Variants in SLAMF7 observed in about 807,000 individuals in gnomAD.
The protein encoded by SLAMF7 is 19A24 protein.
SLAMF7 carries 26 observed loss-of-function variants against 34.1 expected under a neutral mutation model. The ratio of observed to expected loss-of-function variants is 0.76; its 90% CI spans 0.56 to 1.06. The LOEUF is 1.06. SLAMF7 is among the 50% of genes least tolerant of loss of function. The pLI, the probability that SLAMF7 is intolerant of heterozygous loss-of-function variation, is 0.00. For missense variants in SLAMF7, 399 were observed against 402.5 expected (o/e 0.99, Z 0.07); for synonymous variants, 171 against 156.4 (o/e 1.09, Z -0.70).
intron 1 of SLAMF7, among the ~76,000 whole-genome samples, chr1:160,744,074 C>G (rs965362451): frequency 6.6e-6 from 1 of 152,118 alleles, no homozygotes; most frequent in Non-Finnish European, 1.5e-5. Context: ...TGTCTTGCTC[C>G]CCAGTTATAC....
At chr1:160,751,316 G>T in intron 4 of SLAMF7, 29 bp from the exon 5 acceptor site, 3 of 1,515,822 alleles carry the variant, frequency 2.0e-6, no homozygotes, top group Non-Finnish European at 2.8e-6. Context: ...TGGAGAGGTG[G>T]CTTTGATTCT....
At chr1:160,749,489 C>A (rs970393118) in intron 2 of SLAMF7, among the ~76,000 whole-genome samples, 4 of 152,188 alleles carry the variant, frequency 2.6e-5, no homozygotes, top group African/African-American at 9.7e-5. Context: ...GACTAGGGAA[C>A]CTCTAGAACA....
chr1:160,751,036 G>T, intron 4 of SLAMF7: 1 of 350,790 alleles, frequency 2.9e-6, no homozygotes, highest in Non-Finnish European at 5.4e-6. Flanking sequence ...GGTATGACTT[G>T]CAGACTTTGA....
At chr1:160,743,046 T>TC (rs1415631152) in intron 1 of SLAMF7, among the ~76,000 whole-genome samples, 1 of 152,154 alleles carries the variant, frequency 6.6e-6, no homozygotes, top group African/African-American at 2.4e-5. Context: ...CCTCTACCCC[T>TC]CTCTGGGCAG....
intron 1 of SLAMF7, among the ~76,000 whole-genome samples, chr1:160,740,202 C>T (rs1663620513): frequency 6.6e-6 from 1 of 151,808 alleles, no homozygotes; most frequent in South Asian, 2.1e-4. Flanking sequence ...CAGACTCTTA[C>T]CCACTTTGAA....
chr1:160,739,136 A>C, upstream of SLAMF7: 1 of 678,194 alleles, frequency 1.5e-6, no homozygotes, highest in Non-Finnish European at 2.7e-6. Context: ...TGCTGGTGGC[A>C]AGGTAAAATG....
chr1:160,752,131 A>G, intron 5 of SLAMF7, 55 bp from the exon 6 acceptor site: 3 of 1,403,172 alleles, frequency 2.1e-6, no homozygotes, highest in Admixed American at 1.7e-5. Flanking sequence ...GGCCTTGTCT[A>G]TGTGATTCAG....
At chr1:160,746,356 T>G (rs1259282757) in intron 1 of SLAMF7, among the ~76,000 whole-genome samples, 1 of 152,240 alleles carries the variant, frequency 6.6e-6, no homozygotes, top group Non-Finnish European at 1.5e-5. Flanking sequence ...CCATGTAGCC[T>G]TGCAGTAGCA....
rs1452714023 is a variant in SLAMF7 at position 160,754,572 on chromosome 1, A to G, written c.*1395A>G. The G allele has an allele frequency of 6.6e-6, 1 of 152,364 alleles. No homozygotes were observed. Among genetic ancestry groups the G allele is most frequent in the Non-Finnish European group, 1.5e-5 (1 of 68,048 alleles). The allele number at this position is 152,364 out of a possible 1,614,324, so 9.4% of individuals were successfully genotyped here. ...AAAACATGGGGAAGGGGAAAGGGGA[A>G]TGGCTGCTTTTGATATGTTCCCTGA... On this transcript the variant is annotated 3_prime_UTR_variant, in exon 7 of 7. Coordinates refer to ENST00000368043, the MANE Select transcript of SLAMF7 (RefSeq NM_021181.5).
At chr1:160,740,771 G>T (rs987254638) in intron 1 of SLAMF7, among the ~76,000 whole-genome samples, 14 of 152,320 alleles carry the variant, frequency 9.2e-5, no homozygotes, top group Admixed American at 7.8e-4. Context: ...CATCGCAGGT[G>T]TTTTTCATAC....
intron 1 of SLAMF7, among the ~76,000 whole-genome samples, chr1:160,747,598 C>T (rs1664234205): frequency 6.6e-6 from 1 of 152,180 alleles, no homozygotes; most frequent in Non-Finnish European, 1.5e-5. Flanking sequence ...GACAATCACT[C>T]TGAGGCAAGA....
At chr1:160,749,783 G>A (rs1201821418) in intron 2 of SLAMF7, 38 bp from the exon 3 acceptor site, 1 of 1,515,530 alleles carries the variant, frequency 6.6e-7, no homozygotes, top group African/African-American at 1.4e-5. Flanking sequence ...GAGAGCTATA[G>A]GCAGAGTTTC....
Position 160,753,423 on chromosome 1 carries a change from A to T in SLAMF7, c.*246A>T. ...CTTCATCCCAAAAATGGGATTGTGA[A>T]TGTCAGCAAACCATAAAAAAAGTGC... On this transcript the variant is annotated 3_prime_UTR_variant, in exon 7 of 7. Coordinates refer to ENST00000368043, the MANE Select transcript of SLAMF7 (RefSeq NM_021181.5). The T allele has an allele frequency of 1.9e-6, 1 of 517,396 alleles. No individual in the cohort carries two copies. Among genetic ancestry groups the T allele is most frequent in the Non-Finnish European group, 3.4e-6 (1 of 290,968 alleles). 32.1% of individuals were successfully genotyped at this position (517,396 alleles called of 1,614,324 possible).
In SLAMF7 at chr1:160,748,180, C is replaced by T. The variant is rs1215147418; in HGVS notation, c.56-14C>T. 3.1e-6 allele frequency: 5 copies of T among 1,610,742 alleles called. No individual in the cohort carries two copies. Among genetic ancestry groups the T allele is most frequent in the Non-Finnish European group, 3.4e-6 (4 of 1,178,072 alleles). The stretch of plus-strand genomic sequence containing the variant: ...AGGGAATCAGGCTTATTTTATGGTT[C>T]TCTGTGTTTATAGGGTCAGCAGCCT... On this transcript the variant is annotated splice_polypyrimidine_tract_variant and intron_variant, in intron 1 of 6. Transcript: ENST00000368043.
In SLAMF7 at chr1:160,751,969, T is replaced by C. The variant is rs1664669180; in HGVS notation, c.874-217T>C. ...ACAGTACAGTTTAAAAATAATGTAA[T>C]GGCTTCCTGAAAAAAGTTATCAAAA... On this transcript the variant is annotated intron_variant, in intron 5 of 6. Transcript: ENST00000368043. The C allele has an allele frequency of 7.7e-6, 3 of 388,246 alleles. No homozygotes were observed. The South Asian group carries it at 1.2e-4, about 16-fold the overall frequency. 24.1% of individuals were successfully genotyped at this position (388,246 alleles called of 1,614,324 possible).
chr1:160,754,706 A>G lies in SLAMF7; in HGVS notation c.*1529A>G, dbSNP rs1461407597. 1 of 152,388 alleles carries G rather than the reference A, an allele frequency of 6.6e-6. No individual in the cohort carries two copies. Among genetic ancestry groups the G allele is most frequent in the Non-Finnish European group, 1.5e-5 (1 of 68,042 alleles). 9.4% of individuals were successfully genotyped at this position (152,388 alleles called of 1,614,324 possible). On this transcript the variant is annotated 3_prime_UTR_variant, in exon 7 of 7. Coordinates refer to ENST00000368043, the MANE Select transcript of SLAMF7 (RefSeq NM_021181.5). ...GATTGAGGATTATCTTCTCTCAGAA[A>G]GGCATTGTGAAGGAATTGAGCCAGA...
intron 1 of SLAMF7, among the ~76,000 whole-genome samples, chr1:160,742,849 G>T (rs112356727): frequency 6.6e-6 from 1 of 152,122 alleles, no homozygotes; most frequent in African/African-American, 2.4e-5. Flanking sequence ...TGTATCTCAC[G>T]GGGCTGTTCT....
Position 160,751,345 on chromosome 1 carries a change from A to T in SLAMF7, c.770A>T (p.Glu257Val). The change falls in exon 5 of 7, where the codon GAG (glutamate) becomes GTG (valine). Residue 257 changes from glutamate to valine, a missense_variant and splice_region_variant. Transcript: ENST00000368043. The part of the protein sequence containing the change: ...LWFLKRERQE[E>V]YIEEKKRVDI... ...TGATTCTCTCCCAACTTGCTTTTAG[A>T]GTACATTGAAGAGAAGAAGAGAGTG... The T allele has an allele frequency of 6.2e-7, 1 of 1,611,494 alleles. No homozygotes were observed. Among genetic ancestry groups the T allele is most frequent in the African/African-American group, 1.3e-5 (1 of 74,956 alleles).
chr1:160,748,451 G>T lies in SLAMF7; in HGVS notation c.313G>T (p.Val105Leu). The T allele has an allele frequency of 6.2e-7, 1 of 1,614,110 alleles. No individual in the cohort carries two copies. Among genetic ancestry groups the T allele is most frequent in the Non-Finnish European group, 8.5e-7 (1 of 1,179,966 alleles). ...LKKNDSGIYY[V>L]GIYSSSLQQP... ...GAAGAATGACTCAGGGATCTACTAT[G>T]TGGGGATATACAGCTCATCACTCCA... is the stretch of plus-strand genomic sequence containing the variant. The change falls in exon 2 of 7, where the codon GTG (valine) becomes TTG (leucine). Residue 105 changes from valine (V) to leucine (L), a missense_variant. Transcript: ENST00000368043.
Sources: allele counts gnomAD v4.1 joint callset (sites outside exome capture counted in the v4.1 genomes callset), GRCh38; gene constraint gnomAD v4.1.1; transcripts MANE v1.5; gene names NCBI Gene and HGNC (gene_info 2026-07-23, HGNC 2026-07-21).